ARHGAP9: variants seen among roughly 807,000 people sequenced by gnomAD.
The protein encoded by ARHGAP9 is rho GTPase-activating protein 9.
Under a neutral mutation model 87.3 loss-of-function variants are expected in ARHGAP9, and 76 were observed. The ratio of observed to expected loss-of-function variants is 0.87; its 90% confidence interval spans 0.72 to 1.05. The LOEUF is 1.05. ARHGAP9 is among the 50% of genes least tolerant of loss of function. ARHGAP9 has a pLI of 0.00. For synonymous variants in ARHGAP9, 382 were observed against 394.9 expected, an observed-to-expected ratio of 0.97 and a Z score of 0.39; for missense variants, 941 against 960.5, an observed-to-expected ratio of 0.98 and a Z score of 0.27.
intron 1 of ARHGAP9, among the ~76,000 whole-genome samples, chr12:57,486,642 T>C (rs1474957600): frequency 2.8e-5 from 4 of 143,974 alleles, no homozygotes; most frequent in Non-Finnish European, 6.1e-5. Flanking sequence ...TCCCAGCACT[T>C]TGGGAGGCTG....
chr12:57,477,096 C>T (rs771837122), intron 5 of ARHGAP9, 60 bp downstream of exon 5: 3 of 1,581,550 alleles, frequency 1.9e-6, no homozygotes, highest in African/African-American at 2.7e-5. Flanking sequence ...TTACACAAAA[C>T]AGAAAGTCAT....
At chr12:57,474,205 A>G (rs1014774161) in intron 15 of ARHGAP9, 29 bp from the exon 16 acceptor site, 1 of 1,600,950 alleles carries the variant, frequency 6.2e-7, no homozygotes, top group African/African-American at 1.3e-5. Context: ...ATAGGGGCTC[A>G]TGAAGGGCCA....
At chr12:57,488,465 T>C in intron 1 of ARHGAP9, 1 of 1,166,458 alleles carries the variant, frequency 8.6e-7, no homozygotes, top group Non-Finnish European at 1.2e-6. Flanking sequence ...AGTAAACTGC[T>C]CTTCCCTTCC....
At chr12:57,476,023 C>A in intron 9 of ARHGAP9, 48 bp downstream of exon 9, 3 of 1,504,866 alleles carry the variant, frequency 2.0e-6, no homozygotes, top group Non-Finnish European at 2.7e-6. Context: ...AGATTGGGGG[C>A]GCCCTCGGGT....
intron 1 of ARHGAP9, chr12:57,488,317 TCTC>T (rs748291132): frequency 1.8e-5 from 16 of 908,642 alleles, no homozygotes; most frequent in Admixed American, 1.4e-4. Flanking sequence ...ATCGACCACT[TCTC>T]CTATTATCCT....
chr12:57,479,109 G>A lies in ARHGAP9; in HGVS notation c.298C>T (p.Gln100Ter), dbSNP rs775406843. The change falls in exon 2 of 18, where the codon CAA (glutamine) becomes TAA (stop). Residue 100 changes from glutamine to a stop codon, truncating the protein, a stop_gained. Coordinates refer to ENST00000393791, the MANE Select transcript of ARHGAP9 (RefSeq NM_032496.4). LOFTEE classifies it high-confidence loss of function. ...TACTCACCAGGAGTCCAGAGCAATT[G>A]GCCGGGGATGACGGTAGTTGGACTC... ...SQSPTTVIPG[Q>*]LLWTPGPKLF... The A allele has an allele frequency of 5.9e-5, 95 of 1,614,044 alleles. No individual in the cohort carries two copies. Among genetic ancestry groups the A allele is most frequent in the Admixed American group, 8.3e-5 (5 of 60,006 alleles).
At chr12:57,487,040 G>A (rs954846758) in intron 1 of ARHGAP9, among the ~76,000 whole-genome samples, 8 of 150,230 alleles carry the variant, frequency 5.3e-5, no homozygotes, top group Non-Finnish European at 1.0e-4. Flanking sequence ...GCAATGGCGC[G>A]GTCTCGGCTC....
At chr12:57,477,007 C>G in intron 5 of ARHGAP9, 44 bp from the exon 6 acceptor site, 1 of 1,576,332 alleles carries the variant, frequency 6.3e-7, no homozygotes, top group South Asian at 1.1e-5. Context: ...ACGCTCGACT[C>G]AGGGATCCCT....
intron 2 of ARHGAP9, 124 bp from the exon 3 acceptor site, chr12:57,478,881 G>A: frequency 8.8e-7 from 1 of 1,136,142 alleles, no homozygotes; most frequent in Non-Finnish European, 1.2e-6. Flanking sequence ...AAAATGGCAT[G>A]AGACCTAGAA....
chr12:57,474,734 T>C lies in ARHGAP9; in HGVS notation c.1652-31A>G, dbSNP rs917448795. 4 of 1,612,964 alleles carry C rather than the reference T, an allele frequency of 2.5e-6. No homozygotes were observed. The Admixed American group carries it at 6.7e-5, about 27-fold the overall frequency. On this transcript the variant is annotated intron_variant, in intron 13 of 17. Transcript: ENST00000393791. Reference sequence around the variant, plus strand: ...AGATGAGGAAGGAGTAGATAAGGACTGCTGCTTGAAAGTGTGTGTGGTGAG... The same window carrying C: ...AGATGAGGAAGGAGTAGATAAGGACCGCTGCTTGAAAGTGTGTGTGGTGAG...
chr12:57,476,025 C>A, intron 9 of ARHGAP9, 46 bp downstream of exon 9: 5 of 1,505,746 alleles, frequency 3.3e-6, no homozygotes, highest in Non-Finnish European at 1.8e-6. Flanking sequence ...ATTGGGGGCG[C>A]CCTCGGGTCG....
At chr12:57,483,708 C>T (rs544914242), upstream of ARHGAP9, among the ~76,000 whole-genome samples, 3 of 152,262 alleles carry the variant, frequency 2.0e-5, no homozygotes, top group East Asian at 1.9e-4. Context: ...ATAACTCTTA[C>T]GCATCACTGA....
intron 12 of ARHGAP9, 64 bp from the exon 13 acceptor site, chr12:57,475,037 T>C: frequency 6.5e-7 from 1 of 1,527,090 alleles, no homozygotes. Flanking sequence ...CTTCTCAGCA[T>C]AGGTCTTTAT....
At chr12:57,488,145 G>A (rs1398076435) in intron 1 of ARHGAP9, 1 of 1,614,164 alleles carries the variant, frequency 6.2e-7, no homozygotes, top group Non-Finnish European at 8.5e-7. Flanking sequence ...GCTGGCCGCC[G>A]CCGGGAGAGC....
upstream of ARHGAP9, among the ~76,000 whole-genome samples, chr12:57,482,956 G>T (rs986022202): frequency 6.6e-6 from 1 of 151,196 alleles, no homozygotes; most frequent in Non-Finnish European, 1.5e-5. Flanking sequence ...AAAATCAGCT[G>T]GGCATGGCGG....
At chr12:57,485,210 G>A (rs1027087418) in intron 1 of ARHGAP9, among the ~76,000 whole-genome samples, 1 of 151,474 alleles carries the variant, frequency 6.6e-6, no homozygotes, top group Admixed American at 6.6e-5. Context: ...GCCTCCCAAA[G>A]TGCTAGGATT....
At chr12:57,482,280 G>A (rs1408080653), upstream of ARHGAP9, among the ~76,000 whole-genome samples, 2 of 150,852 alleles carry the variant, frequency 1.3e-5, no homozygotes, top group Admixed American at 1.3e-4. Context: ...TTGCTCTGTC[G>A]CCCAGACTGG....
In ARHGAP9 at chr12:57,475,479, T is replaced by A. The variant is rs369398863; in HGVS notation, c.1444+4A>T. 142 of 1,595,404 alleles carry A rather than the reference T, an allele frequency of 8.9e-5. No individual in the cohort carries two copies. The African/African-American group carries it at 1.7e-3, about 19-fold the overall frequency. ...GGACTCTCCCTCCCCAGCCCGCGCCTCACTGGAGCTCCGGCGGCTGCTGAG... is the reference window on the plus strand; with the variant it reads ...GGACTCTCCCTCCCCAGCCCGCGCCACACTGGAGCTCCGGCGGCTGCTGAG... On this transcript the variant is annotated splice_donor_region_variant and intron_variant, in intron 11 of 17. Coordinates refer to ENST00000393791, the MANE Select transcript of ARHGAP9 (RefSeq NM_032496.4).
Position 57,474,406 on chromosome 12 carries a change from G to A in ARHGAP9, c.1783+17C>T, listed in dbSNP as rs1230461427. 6.2e-7 allele frequency: 1 copy of A among 1,613,934 alleles called. No homozygotes were observed. On this transcript the variant is annotated intron_variant, in intron 15 of 17. Transcript: ENST00000393791. Reference sequence around the variant, plus strand: ...TGTGGAAGTTTTAGGGATCTGAAGGGTCTTCCATGTAAGTACCTTGTCCTG... The same window carrying A: ...TGTGGAAGTTTTAGGGATCTGAAGGATCTTCCATGTAAGTACCTTGTCCTG...
Sources: allele counts gnomAD v4.1 joint callset (sites outside exome capture counted in the v4.1 genomes callset), GRCh38; gene constraint gnomAD v4.1.1; transcripts MANE v1.5; gene names NCBI Gene and HGNC (gene_info 2026-07-23, HGNC 2026-07-21).